OPCML: variants seen among roughly 807,000 people sequenced by gnomAD.
OPCML encodes the protein opioid-binding protein/cell adhesion molecule.
In OPCML, 13 loss-of-function variants were observed where a neutral mutation model predicts 37.8. The observed-to-expected ratio is 0.34, with a 90% confidence interval of 0.22 to 0.55. The LOEUF is 0.55. OPCML is among the 20% of genes least tolerant of loss of function. The pLI, the probability that OPCML is intolerant of heterozygous loss-of-function variation, is 0.91. For synonymous variants in OPCML, 176 were observed against 168.8 expected (o/e 1.04, Z -0.33); for missense variants, 341 against 435.6 (o/e 0.78, Z 1.93).
At chr11:133,364,278 C>T (rs1592236509) in intron 1 of OPCML, among the ~76,000 whole-genome samples, 1 of 152,254 alleles carries the variant, frequency 6.6e-6, no homozygotes, top group East Asian at 1.9e-4. Context: ...GCAGAATGGA[C>T]CTTTACTAAA....
At position 133,094,481 on chromosome 11, in the gene OPCML, T is replaced by A. The variant is rs530397509; in HGVS notation, c.62-151471A>T. Among the ~76,000 whole-genome samples, 6 of 152,320 alleles carry A rather than the reference T, an allele frequency of 3.9e-5. No homozygotes were observed. In the South Asian group the frequency reaches 1.2e-3, roughly 32 times the overall value. ...AAATCATTCCAGTTTGTCAGTCCTT[T>A]CAATGCCACCATCTCAATGACCTAG... On this transcript the variant is annotated intron_variant, in intron 1 of 7. Transcript: ENST00000524381.
At chr11:133,199,101 A>G (rs1010185422) in intron 1 of OPCML, among the ~76,000 whole-genome samples, 4 of 152,172 alleles carry the variant, frequency 2.6e-5, no homozygotes, top group Admixed American at 2.0e-4. Context: ...CTAACTGTAA[A>G]CAACGGGGGG....
chr11:133,336,348 T>C (rs1943743297), intron 1 of OPCML, among the ~76,000 whole-genome samples: 2 of 151,630 alleles, frequency 1.3e-5, no homozygotes, highest in African/African-American at 2.4e-5. Context: ...CACAGAATTA[T>C]AGATTCCACT....
intron 2 of OPCML, among the ~76,000 whole-genome samples, chr11:132,834,113 T>G (rs1940871414): frequency 6.6e-6 from 1 of 152,204 alleles, no homozygotes; most frequent in Non-Finnish European, 1.5e-5. Context: ...TTCTGAGAAG[T>G]TGGCTGATGT....
intron 1 of OPCML, among the ~76,000 whole-genome samples, chr11:133,491,730 C>A (rs970421921): frequency 1.3e-5 from 2 of 152,134 alleles, no homozygotes; most frequent in Non-Finnish European, 2.9e-5. Flanking sequence ...CCTTTTCTGG[C>A]CACAGGTCCT....
intron 1 of OPCML, among the ~76,000 whole-genome samples, chr11:133,076,472 G>T (rs1266996375): frequency 6.6e-6 from 1 of 152,146 alleles, no homozygotes; most frequent in Non-Finnish European, 1.5e-5. Context: ...TAAGATGTGA[G>T]GAAAGTAAGG....
intron 4 of OPCML, among the ~76,000 whole-genome samples, chr11:132,439,479 C>T (rs1940026): frequency 0.21 from 31,792 of 152,176 alleles, 6,765 homozygotes; most frequent in African/African-American, 0.54. Flanking sequence ...CTAGTTCATA[C>T]ACTAACTCTT....
At chr11:132,878,613 G>T (rs1943111444) in intron 2 of OPCML, among the ~76,000 whole-genome samples, 2 of 151,988 alleles carry the variant, frequency 1.3e-5, no homozygotes, top group East Asian at 3.9e-4. Flanking sequence ...TCTCTCTCTT[G>T]TACATGTGTA....
intron 1 of OPCML, among the ~76,000 whole-genome samples, chr11:133,530,912 G>A (rs1161429667): frequency 6.6e-6 from 1 of 152,054 alleles, no homozygotes; most frequent in African/African-American, 2.4e-5. Context: ...AAACAACACT[G>A]AAAATATTCC....
At chr11:133,326,544 G>A (rs1453125444) in intron 1 of OPCML, among the ~76,000 whole-genome samples, 1 of 145,686 alleles carries the variant, frequency 6.9e-6, no homozygotes, top group African/African-American at 2.5e-5. Context: ...GGGGGGAGTG[G>A]GTGTGGGTAT....
At chr11:132,942,785 G>T in intron 2 of OPCML, 141 bp downstream of exon 2, 1 of 1,060,268 alleles carries the variant, frequency 9.4e-7, no homozygotes, top group Non-Finnish European at 1.4e-6. Context: ...CGGCACGGCA[G>T]CACGCAAGCG....
intron 2 of OPCML, among the ~76,000 whole-genome samples, chr11:132,827,280 TGATCTACA>T (rs1316301610): frequency 6.6e-6 from 1 of 152,172 alleles, no homozygotes. Context: ...CCACCAAATA[TGATCTACA>T]GATATCAAAT....
chr11:132,658,151 G>GA (rs1941795026), intron 2 of OPCML, among the ~76,000 whole-genome samples: 1 of 152,188 alleles, frequency 6.6e-6, no homozygotes, highest in Non-Finnish European at 1.5e-5. Context: ...CATGTGCCCA[G>GA]GAACTGAGGA....
intron 1 of OPCML, among the ~76,000 whole-genome samples, chr11:133,284,442 G>A (rs548635227): frequency 1.3e-5 from 2 of 152,272 alleles, no homozygotes; most frequent in East Asian, 1.9e-4. Flanking sequence ...AATGTTTGCA[G>A]CACATACAAA....
chr11:132,893,640 T>C (rs549704981), intron 2 of OPCML, among the ~76,000 whole-genome samples: 2 of 152,362 alleles, frequency 1.3e-5, no homozygotes, highest in South Asian at 4.1e-4. Context: ...GCCAGCCTCT[T>C]ATGAAGGCTA....
At chr11:133,250,510 G>A in intron 1 of OPCML, among the ~76,000 whole-genome samples, 1 of 124,500 alleles carries the variant, frequency 8.0e-6, no homozygotes, top group Non-Finnish European at 1.7e-5. Flanking sequence ...AAGGGAGGGA[G>A]AGAGGGAGGG....
intron 7 of OPCML, among the ~76,000 whole-genome samples, chr11:132,435,412 G>A (rs2096009677): frequency 6.6e-6 from 1 of 152,210 alleles, no homozygotes; most frequent in Admixed American, 6.5e-5. Context: ...AAATACATAT[G>A]CACATACAGT....
intron 1 of OPCML, among the ~76,000 whole-genome samples, chr11:133,448,905 T>G (rs984551384): frequency 6.6e-6 from 1 of 152,230 alleles, no homozygotes; most frequent in Non-Finnish European, 1.5e-5. Flanking sequence ...TTATCTCTAC[T>G]GCCAAATTTG....
chr11:132,855,468 G>A (rs1393220757), intron 2 of OPCML, among the ~76,000 whole-genome samples: 1 of 152,184 alleles, frequency 6.6e-6, no homozygotes, highest in East Asian at 1.9e-4. Context: ...CTGCAATATT[G>A]TTGTCTCAGC....
Sources: allele counts gnomAD v4.1 joint callset (sites outside exome capture counted in the v4.1 genomes callset), GRCh38; gene constraint gnomAD v4.1.1; transcripts MANE v1.5; gene names NCBI Gene and HGNC (gene_info 2026-07-23, HGNC 2026-07-21).